MAGI1: variants seen among roughly 807,000 people sequenced by gnomAD.
MAGI1 encodes the protein membrane associated guanylate kinase, WW and PDZ domain containing 1, also known as membrane-associated guanylate kinase, WW and PDZ domain-containing protein 1.
Under a neutral mutation model 139.9 loss-of-function variants are expected in MAGI1, and 58 were observed. That is an observed-to-expected ratio of 0.41 (90% CI 0.34 to 0.52). MAGI1 has a LOEUF of 0.52. MAGI1 is among the 20% of genes least tolerant of loss of function. MAGI1 has a pLI of 0.12. For synonymous variants in MAGI1, 812 were observed against 737.9 expected (o/e 1.10, Z -1.63); for missense variants, 1,874 against 1,901.6 (o/e 0.99, Z 0.27).
rs540557687 is a variant in MAGI1, at chr3:66,032,540, A to G, written c.313+5456T>C. Among the ~76,000 whole-genome samples, 81 of 152,032 alleles carry G rather than the reference A, an allele frequency of 5.3e-4. No homozygotes were observed. The South Asian group carries it at 6.3e-3, about 12-fold the overall frequency. On this transcript the variant is annotated intron_variant, in intron 1 of 22. Transcript: ENST00000402939. The stretch of plus-strand genomic sequence containing the variant: ...TGGCCCTGCTGGGTCTTTTTTAGAC[A>G]CTGAGAAATACAGCAGTGAACAAGA...
At chr3:65,598,232 C>T (rs924455613) in intron 2 of MAGI1, among the ~76,000 whole-genome samples, 5 of 150,338 alleles carry the variant, frequency 3.3e-5, no homozygotes, top group African/African-American at 1.2e-4. Flanking sequence ...GCGGAGGGGG[C>T]GGGGACTGAG....
chr3:65,743,604 G>A (rs532433154), intron 1 of MAGI1, among the ~76,000 whole-genome samples: 1 of 152,210 alleles, frequency 6.6e-6, no homozygotes, highest in Admixed American at 6.5e-5. Context: ...AGCTTACTCG[G>A]GAGGCTGAGG....
intron 1 of MAGI1, among the ~76,000 whole-genome samples, chr3:65,855,109 G>C (rs747787810): frequency 6.6e-6 from 1 of 152,130 alleles, no homozygotes; most frequent in Non-Finnish European, 1.5e-5. Flanking sequence ...GCCCAAATCC[G>C]TGGGGGGCGG....
At chr3:65,448,336 C>T (rs1424200908) in intron 6 of MAGI1, 1 of 541,066 alleles carries the variant, frequency 1.8e-6, no homozygotes, top group African/African-American at 1.9e-5. Context: ...ATGACAAATA[C>T]CTTTGCGGTT....
intron 14 of MAGI1, among the ~76,000 whole-genome samples, chr3:65,384,685 A>AT (rs1036269211): frequency 1.2e-4 from 18 of 152,278 alleles, no homozygotes; most frequent in Non-Finnish European, 2.4e-4. Flanking sequence ...GTGAGCCATG[A>AT]TTGCCCCAGT....
intron 1 of MAGI1, among the ~76,000 whole-genome samples, chr3:65,734,992 T>C (rs1011853421): frequency 6.6e-6 from 1 of 152,072 alleles, no homozygotes; most frequent in Non-Finnish European, 1.5e-5. Context: ...CTTCTCTCTA[T>C]TAAAAAAGAA....
chr3:65,465,475 T>C (rs375470970), intron 5 of MAGI1, among the ~76,000 whole-genome samples: 1 of 152,102 alleles, frequency 6.6e-6, no homozygotes, highest in African/African-American at 2.4e-5. Context: ...ATTTTCATTT[T>C]CCCTTGATTC....
Position 65,787,474 on chromosome 3 carries a change from A to G in MAGI1, c.314-165386T>C, listed in dbSNP as rs72908302. Among the ~76,000 whole-genome samples the G allele has an allele frequency of 3.9e-3, 591 of 151,386 alleles. 2 individuals are homozygous for G. Among genetic ancestry groups the G allele is most frequent in the African/African-American group, 0.014 (556 of 41,158 alleles). On this transcript the variant is annotated intron_variant, in intron 1 of 22. Coordinates refer to ENST00000402939, the MANE Select transcript of MAGI1 (RefSeq NM_001033057.2). The stretch of plus-strand genomic sequence containing the variant: ...CCCAGAAACTTTAAATAGAATGCCA[A>G]AACACATTGTGTTTGAGTGACAAGG...
At chr3:65,591,933 A>G (rs1003452035) in intron 2 of MAGI1, among the ~76,000 whole-genome samples, 15 of 152,126 alleles carry the variant, frequency 9.9e-5, no homozygotes, top group African/African-American at 3.6e-4. Context: ...AACATGCCCA[A>G]TCTCCACACT....
At chr3:65,770,669 T>C (rs552458186) in intron 1 of MAGI1, among the ~76,000 whole-genome samples, 44 of 152,182 alleles carry the variant, frequency 2.9e-4, no homozygotes, top group Admixed American at 5.2e-4. Flanking sequence ...CGTATCCTTT[T>C]TTAGTAAATT....
chr3:65,859,071 G>C (rs771236775), intron 1 of MAGI1, among the ~76,000 whole-genome samples: 1 of 152,154 alleles, frequency 6.6e-6, no homozygotes, highest in African/African-American at 2.4e-5. Flanking sequence ...GGTGGCTTAC[G>C]CTTGTAATCC....
At chr3:65,516,188 C>G (rs2077867406) in intron 2 of MAGI1, among the ~76,000 whole-genome samples, 1 of 151,960 alleles carries the variant, frequency 6.6e-6, no homozygotes, top group Non-Finnish European at 1.5e-5. Flanking sequence ...CTCTCTCTCT[C>G]TCTTTTTTTT....
At chr3:65,885,994 G>A (rs780124187) in intron 1 of MAGI1, among the ~76,000 whole-genome samples, 1 of 152,162 alleles carries the variant, frequency 6.6e-6, no homozygotes, top group Non-Finnish European at 1.5e-5. Flanking sequence ...TTATCTCTGA[G>A]CGGAGATGTT....
Position 65,966,866 on chromosome 3 carries a change from T to G in MAGI1, c.313+71130A>C, listed in dbSNP as rs75217282. ...ACTGAATTAGTCTTTTTTAAATCCA[T>G]GAAATGAACATTACTTTAGCACTTA... On this transcript the variant is annotated intron_variant, in intron 1 of 22. Coordinates refer to ENST00000402939, the MANE Select transcript of MAGI1 (RefSeq NM_001033057.2). Among the ~76,000 whole-genome samples, 100 of 152,322 alleles carry G rather than the reference T, an allele frequency of 6.6e-4. No individual in the cohort carries two copies. In the East Asian group the frequency reaches 0.019, roughly 28 times the overall value.
chr3:65,399,046 T>C (rs930863883), intron 13 of MAGI1, among the ~76,000 whole-genome samples: 6 of 150,438 alleles, frequency 4.0e-5, no homozygotes. Flanking sequence ...GCCAATCACA[T>C]GAGCAAGCCA....
intron 1 of MAGI1, among the ~76,000 whole-genome samples, chr3:65,856,112 A>C (rs9832698): frequency 1.3e-5 from 2 of 151,950 alleles, no homozygotes; most frequent in African/African-American, 4.8e-5. Context: ...ACTGGGTGGG[A>C]GGAGTATTTT....
intron 1 of MAGI1, among the ~76,000 whole-genome samples, chr3:65,713,450 A>G (rs2031778498): frequency 6.6e-6 from 1 of 152,204 alleles, no homozygotes; most frequent in African/African-American, 2.4e-5. Flanking sequence ...AAAAAAAGAA[A>G]AAAAAGAAAG....
At chr3:65,780,022 TG>T (rs527562428) in intron 1 of MAGI1, among the ~76,000 whole-genome samples, 8 of 106,804 alleles carry the variant, frequency 7.5e-5, no homozygotes, top group Admixed American at 5.3e-4. Context: ...ATCAATTTTT[TG>T]GGGGGGGAAG....
In MAGI1 at chr3:65,474,728, T is replaced by A. The variant is rs149782081; in HGVS notation, c.757+3864A>T. Among the ~76,000 whole-genome samples, 496 of 152,234 alleles carry A rather than the reference T, an allele frequency of 3.3e-3. 1 individual carries two copies. The highest frequency in any genetic ancestry group is 0.011 in the African/African-American group (464 of 41,538). On this transcript the variant is annotated intron_variant, in intron 4 of 22. Transcript: ENST00000402939. ...TCTGAAGCTCGTTTTAAATTATACA[T>A]GCTTTTAGGTTTATGTGTATCTCCC...
Sources: allele counts gnomAD v4.1 joint callset (sites outside exome capture counted in the v4.1 genomes callset), GRCh38; gene constraint gnomAD v4.1.1; transcripts MANE v1.5; gene names NCBI Gene and HGNC (gene_info 2026-07-23, HGNC 2026-07-21).